The following LAMA2 variants were observed in gnomAD, a reference collection of about 807,000 sequenced individuals.
LAMA2 encodes laminin subunit alpha-2.
LAMA2 carries 269 observed loss-of-function variants against 364.8 expected under a neutral mutation model. The ratio of observed to expected loss-of-function variants is 0.74; its 90% CI spans 0.67 to 0.82. The LOEUF is 0.82. Among genes scored for constraint, LAMA2 ranks in the 40% least tolerant of loss-of-function variants. The pLI is 0.00. For missense variants in LAMA2, 3,807 were observed against 3,873.2 expected (o/e 0.98, Z 0.45); for synonymous variants, 1,379 against 1,370.6 (o/e 1.01, Z -0.14).
intron 30 of LAMA2, among the ~76,000 whole-genome samples, chr6:129,343,681 A>G (rs1197708402): frequency 2.0e-5 from 3 of 152,178 alleles, no homozygotes; most frequent in Non-Finnish European, 2.9e-5. Context: ...CACTATAATA[A>G]AAGCTACAGG....
chr6:129,059,866 T>G lies in LAMA2; in HGVS notation c.366T>G (p.His122Gln), dbSNP rs779976011. 3.8e-6 allele frequency: 6 copies of G among 1,599,638 alleles called. No individual in the cohort carries two copies. The South Asian group carries it at 6.6e-5, about 18-fold the overall frequency. Reference sequence around the variant, plus strand: ...GTATTAAGAATGGAATCGAATACCATTATGTGACAATTACCCTGGATTTAC... The same window carrying G: ...GTATTAAGAATGGAATCGAATACCAGTATGTGACAATTACCCTGGATTTAC... ...SPSIKNGIEY[H>Q]YVTITLDLQQ... The change falls in exon 3 of 65, where the codon CAT becomes CAG. Residue 122 changes from histidine to glutamine, a missense_variant. Physicochemically the swap from His to Gln is conservative, Grantham distance 24. Coordinates refer to ENST00000421865, the MANE Select transcript of LAMA2 (RefSeq NM_000426.4).
At chr6:129,454,911 C>A (rs140449943) in intron 47 of LAMA2, among the ~76,000 whole-genome samples, 3 of 152,214 alleles carry the variant, frequency 2.0e-5, no homozygotes, top group African/African-American at 7.2e-5. Context: ...CCCTGTTAAA[C>A]CCAAAGCAGC....
At chr6:129,064,869 T>A (rs1242700464) in intron 3 of LAMA2, among the ~76,000 whole-genome samples, 1 of 152,126 alleles carries the variant, frequency 6.6e-6, no homozygotes, top group Non-Finnish European at 1.5e-5. Context: ...CTCAAAATCC[T>A]CCAAATAACT....
intron 1 of LAMA2, among the ~76,000 whole-genome samples, chr6:128,906,361 T>G (rs1217437351): frequency 4.5e-5 from 6 of 132,678 alleles, no homozygotes; most frequent in Non-Finnish European, 9.5e-5. Flanking sequence ...ATTGTGGTTT[T>G]GATTTGCATT....
At chr6:129,275,079 A>G (rs914166519) in intron 17 of LAMA2, among the ~76,000 whole-genome samples, 2 of 152,050 alleles carry the variant, frequency 1.3e-5, no homozygotes, top group African/African-American at 4.8e-5. Context: ...AGTTTTTGAA[A>G]GAATGAAACT....
chr6:129,478,716 A>C lies in LAMA2; in HGVS notation c.7475A>C (p.Tyr2492Ser). 4.3e-6 allele frequency: 7 copies of C among 1,613,560 alleles called. No homozygotes were observed. The highest frequency in any genetic ancestry group is 5.9e-6 in the Non-Finnish European group (7 of 1,179,542). The stretch of plus-strand genomic sequence containing the variant: ...AGGCCAGAAGTAAATCTGAAGAAAT[A>C]TTCCGGCTGCCTCAAAGATATTGAA... The part of the protein sequence containing the change: ...KARPEVNLKK[Y>S]SGCLKDIEIS... The change falls in exon 54 of 65, where the codon TAT becomes TCT. Residue 2492 changes from tyrosine (Y) to serine (S), a missense_variant. Around this residue, in one of 3 missense-constraint regions of LAMA2, gnomAD observed 3,333 missense variants for 3,345.7 expected, o/e 1.00. Coordinates refer to ENST00000421865, the MANE Select transcript of LAMA2 (RefSeq NM_000426.4).
At chr6:129,248,313 T>G (rs1440553914) in intron 12 of LAMA2, among the ~76,000 whole-genome samples, 1 of 152,236 alleles carries the variant, frequency 6.6e-6, no homozygotes, top group Non-Finnish European at 1.5e-5. Context: ...GTTTCCATTA[T>G]ATGTGACTTT....
At chr6:129,147,647 A>G (rs1375277818) in intron 6 of LAMA2, among the ~76,000 whole-genome samples, 3 of 152,032 alleles carry the variant, frequency 2.0e-5, no homozygotes, top group Non-Finnish European at 4.4e-5. Context: ...ATGAGCATCT[A>G]TTTTTCCTGT....
intron 9 of LAMA2, among the ~76,000 whole-genome samples, chr6:129,167,020 T>A (rs1178469803): frequency 2.0e-5 from 3 of 152,210 alleles, no homozygotes; most frequent in African/African-American, 4.8e-5. Context: ...ATATAATTAC[T>A]TTTCAATTAT....
chr6:129,308,319 A>G (rs917401168), intron 22 of LAMA2, among the ~76,000 whole-genome samples: 2 of 152,218 alleles, frequency 1.3e-5, no homozygotes, highest in African/African-American at 4.8e-5. Context: ...AGCATCCACC[A>G]TATCACTTGG....
chr6:129,009,491 T>A (rs1784638234), intron 1 of LAMA2, among the ~76,000 whole-genome samples: 1 of 152,142 alleles, frequency 6.6e-6, no homozygotes, highest in Non-Finnish European at 1.5e-5. Context: ...TTCAAAAAAT[T>A]AAGAAATCAT....
chr6:129,007,181 A>G lies in LAMA2; in HGVS notation c.113-42737A>G, dbSNP rs182317253. On this transcript the variant is annotated intron_variant, in intron 1 of 64. Coordinates refer to ENST00000421865, the MANE Select transcript of LAMA2 (RefSeq NM_000426.4). ...AGACTTGTCTCTAAGCTACATTGGC[A>G]GAGCAATGTTTTACTTAGATTATAT... 7.2e-5 allele frequency among the ~76,000 whole-genome samples: 11 copies of G among 152,296 alleles called. No individual in the cohort carries two copies. In the East Asian group the frequency reaches 2.1e-3, roughly 29 times the overall value.
rs1260268450 is a variant in LAMA2 at position 129,454,260 on chromosome 6, T to C, written c.6679T>C (p.Ser2227Pro). 6.2e-7 allele frequency: 1 copy of C among 1,611,604 alleles called. No homozygotes were observed. Among genetic ancestry groups the C allele is most frequent in the Non-Finnish European group, 8.5e-7 (1 of 1,178,144 alleles). The change falls in exon 47 of 65, where the codon TCA becomes CCA. Residue 2227 changes from serine (S) to proline (P), a missense_variant. Transcript: ENST00000421865. ...VEYPDLTIDD[S>P]YWYRIVASRT... ...GTACCCAGATTTGACTATTGATGACTCATATTGGTACCGTATCGTAGCATC... is the reference window on the plus strand; with the variant it reads ...GTACCCAGATTTGACTATTGATGACCCATATTGGTACCGTATCGTAGCATC...
At chr6:129,348,865 G>GA (rs1042484461) in intron 30 of LAMA2, among the ~76,000 whole-genome samples, 11 of 151,916 alleles carry the variant, frequency 7.2e-5, no homozygotes, top group African/African-American at 1.4e-4. Context: ...GAGTTTTCAA[G>GA]AAAAAAAATT....
At chr6:128,910,244 T>G (rs1777809549) in intron 1 of LAMA2, among the ~76,000 whole-genome samples, 2 of 152,396 alleles carry the variant, frequency 1.3e-5, no homozygotes, top group African/African-American at 4.8e-5. Context: ...TCCAACTTGG[T>G]TTCATTCTCC....
At chr6:129,292,859 C>A in intron 20 of LAMA2, 1 of 985,770 alleles carries the variant, frequency 1.0e-6, no homozygotes, top group Non-Finnish European at 1.2e-6. Context: ...ACTGCGATCC[C>A]GTTGGCTCTG....
intron 40 of LAMA2, among the ~76,000 whole-genome samples, chr6:129,427,388 C>G (rs1255710045): frequency 6.6e-6 from 1 of 152,102 alleles, no homozygotes; most frequent in African/African-American, 2.4e-5. Flanking sequence ...TCAGTTATGT[C>G]CTTACAACAC....
chr6:128,907,669 A>G (rs990472999), intron 1 of LAMA2, among the ~76,000 whole-genome samples: 5 of 152,124 alleles, frequency 3.3e-5, no homozygotes, highest in Non-Finnish European at 7.3e-5. Flanking sequence ...TTCCAACACT[A>G]TATTGAATAG....
chr6:129,447,512 A>G (rs977977639), intron 45 of LAMA2, among the ~76,000 whole-genome samples: 4 of 152,244 alleles, frequency 2.6e-5, no homozygotes, highest in Admixed American at 2.0e-4. Flanking sequence ...AAGGAAACAC[A>G]TAACCAGAAA....
Sources: gnomAD v4.1 joint callset for allele counts (sites outside exome capture counted in the v4.1 genomes callset) on GRCh38, gnomAD v4.1.1 for gene constraint, gnomAD v4.1.1 regional missense constraint, MANE v1.5 for transcripts, NCBI Gene and HGNC (gene_info 2026-07-23, HGNC 2026-07-21) for gene names.